The following ALK variants were observed in gnomAD, a reference collection of about 807,000 sequenced individuals.
ALK encodes the protein ALK receptor tyrosine kinase.
Under a neutral mutation model 163.1 loss-of-function variants are expected in ALK, and 74 were observed. The ratio of observed to expected loss-of-function variants is 0.45; its 90% CI spans 0.38 to 0.55. The LOEUF is 0.55. Among genes scored for constraint, ALK ranks in the 20% least tolerant of loss-of-function variants. The pLI is 0.00. For missense variants in ALK, 2,063 were observed against 2,105.3 expected (o/e 0.98, Z 0.39); for synonymous variants, 960 against 843.2 (o/e 1.14, Z -2.40).
At chr2:29,785,946 C>T (rs1664004361) in intron 1 of ALK, among the ~76,000 whole-genome samples, 1 of 81,298 alleles carries the variant, frequency 1.2e-5, no homozygotes, top group East Asian at 3.2e-4. Flanking sequence ...CACACACACA[C>T]ACACACACAC....
chr2:29,634,854 C>T (rs1242352410), intron 3 of ALK, among the ~76,000 whole-genome samples: 2 of 152,118 alleles, frequency 1.3e-5, no homozygotes, highest in East Asian at 3.9e-4. Context: ...AAAACTGTCC[C>T]TATTTTCAGA....
chr2:29,771,732 C>T (rs1355353150), intron 1 of ALK, among the ~76,000 whole-genome samples: 1 of 152,134 alleles, frequency 6.6e-6, no homozygotes, highest in Non-Finnish European at 1.5e-5. Flanking sequence ...GACGGGGTTT[C>T]ACCGTGTTAG....
intron 3 of ALK, among the ~76,000 whole-genome samples, chr2:29,600,668 G>T (rs540281426): frequency 6.6e-6 from 1 of 152,304 alleles, no homozygotes; most frequent in Non-Finnish European, 1.5e-5. Flanking sequence ...GCATGGTGGG[G>T]GTGGCCCTGA....
intron 3 of ALK, among the ~76,000 whole-genome samples, chr2:29,655,796 T>C (rs1446012024): frequency 1.3e-5 from 2 of 152,204 alleles, no homozygotes; most frequent in African/African-American, 4.8e-5. Flanking sequence ...TAAAGATGTG[T>C]TTCTCTTTTC....
intron 3 of ALK, among the ~76,000 whole-genome samples, chr2:29,604,159 A>G (rs1675469961): frequency 8.1e-6 from 1 of 124,026 alleles, no homozygotes; most frequent in Non-Finnish European, 1.7e-5. Context: ...CTGAGAATAG[A>G]GAAGTTTTTT....
chr2:29,646,732 T>C (rs1676885984), intron 3 of ALK, among the ~76,000 whole-genome samples: 1 of 152,192 alleles, frequency 6.6e-6, no homozygotes, highest in African/African-American at 2.4e-5. Context: ...GCTCATTATC[T>C]GACCTCCTTC....
At chr2:29,855,783 T>G (rs1411781540) in intron 1 of ALK, among the ~76,000 whole-genome samples, 1 of 152,222 alleles carries the variant, frequency 6.6e-6, no homozygotes, top group East Asian at 1.9e-4. Context: ...CTGAAAATCC[T>G]GAAAATCTTG....
intron 1 of ALK, among the ~76,000 whole-genome samples, chr2:29,782,483 T>A (rs571175249): frequency 1.3e-5 from 2 of 152,238 alleles, no homozygotes; most frequent in Non-Finnish European, 2.9e-5. Context: ...TTCACCACCA[T>A]CACTAGCCCC....
At chr2:29,487,642 G>A (rs1323925537) in intron 4 of ALK, among the ~76,000 whole-genome samples, 3 of 152,112 alleles carry the variant, frequency 2.0e-5, no homozygotes, top group Non-Finnish European at 4.4e-5. Flanking sequence ...GAAATATAGG[G>A]TTACTGGTAT....
intron 1 of ALK, among the ~76,000 whole-genome samples, chr2:29,725,656 T>C (rs1479841281): frequency 3.3e-5 from 5 of 152,096 alleles, no homozygotes; most frequent in African/African-American, 1.2e-4. Context: ...TTTTTGCTCA[T>C]TGATTTAGAA....
chr2:29,416,468 T>C (rs1023148989), intron 4 of ALK, among the ~76,000 whole-genome samples: 11 of 152,228 alleles, frequency 7.2e-5, no homozygotes, highest in African/African-American at 2.4e-4. Context: ...AGGGCCAGGC[T>C]TCAGGGATCT....
At chr2:29,884,507 C>CT (rs1666942025) in intron 1 of ALK, among the ~76,000 whole-genome samples, 1 of 152,018 alleles carries the variant, frequency 6.6e-6, no homozygotes, top group South Asian at 2.1e-4. Context: ...CACCTGCAGG[C>CT]ATAAAAACCT....
intron 1 of ALK, among the ~76,000 whole-genome samples, chr2:29,850,693 C>T (rs2148400570): frequency 6.6e-6 from 1 of 152,316 alleles, no homozygotes; most frequent in Non-Finnish European, 1.5e-5. Context: ...TCTCCCTAGA[C>T]TTGGTTGTAC....
At chr2:29,535,379 A>G (rs954043564) in intron 3 of ALK, among the ~76,000 whole-genome samples, 1 of 152,256 alleles carries the variant, frequency 6.6e-6, no homozygotes. Context: ...CTCAACCAGC[A>G]GGGCTCACAT....
chr2:29,900,975 A>T (rs1039953435), intron 1 of ALK, among the ~76,000 whole-genome samples: 1 of 146,258 alleles, frequency 6.8e-6, no homozygotes, highest in Non-Finnish European at 1.5e-5. Flanking sequence ...TTAAGAAAGA[A>T]AGAAAGAGAG....
At chr2:29,823,412 G>C in intron 1 of ALK, among the ~76,000 whole-genome samples, 1 of 152,208 alleles carries the variant, frequency 6.6e-6, no homozygotes, top group Non-Finnish European at 1.5e-5. Context: ...ACAGGCAGAG[G>C]CTGGAACAGT....
chr2:29,755,800 G>A (rs570858939), intron 1 of ALK, among the ~76,000 whole-genome samples: 2 of 152,278 alleles, frequency 1.3e-5, no homozygotes, highest in South Asian at 2.1e-4. Context: ...GGCTGTCACT[G>A]CCAAACAGGG....
chr2:29,738,176 G>C (rs947427944), intron 1 of ALK, among the ~76,000 whole-genome samples: 8 of 151,856 alleles, frequency 5.3e-5, no homozygotes, highest in African/African-American at 1.7e-4. Flanking sequence ...CCCTTGTTCT[G>C]TTCTTGAACT....
At chr2:29,537,265 A>C (rs1322329898) in intron 3 of ALK, among the ~76,000 whole-genome samples, 3 of 152,240 alleles carry the variant, frequency 2.0e-5, no homozygotes, top group African/African-American at 7.2e-5. Context: ...CTCTGATCAC[A>C]GGCTCAGAGG....
Sources: gnomAD v4.1 joint callset for allele counts (sites outside exome capture counted in the v4.1 genomes callset) on GRCh38, gnomAD v4.1.1 for gene constraint, MANE v1.5 for transcripts, NCBI Gene and HGNC (gene_info 2026-07-23, HGNC 2026-07-21) for gene names.